Variants in SIL1 observed in about 807,000 individuals in gnomAD.
SIL1 encodes the protein nucleotide exchange factor SIL1.
A neutral mutation model predicts 49.1 loss-of-function variants in SIL1; 40 were observed. The observed-to-expected ratio is 0.81, with a 90% CI of 0.63 to 1.06. The LOEUF (loss-of-function observed/expected upper bound fraction) is 1.06. SIL1 is among the 50% of genes least tolerant of loss of function. The pLI, the probability that SIL1 is intolerant of heterozygous loss-of-function variation, is 0.00. For synonymous variants in SIL1, 253 were observed against 250.8 expected (o/e 1.01, Z -0.08); for missense variants, 500 against 572.6 (o/e 0.87, Z 1.29).
At chr5:139,190,927 G>A (rs1250895955) in intron 1 of SIL1, among the ~76,000 whole-genome samples, 1 of 152,048 alleles carries the variant, frequency 6.6e-6, no homozygotes, top group African/African-American at 2.4e-5. Context: ...ATGGGGTGTG[G>A]GGAAAAACAA....
rs1302651188 is a variant in SIL1 at position 138,948,630 on chromosome 5, C to T, written c.1030-1157G>A. 0.017 allele frequency among the ~76,000 whole-genome samples: 1 copy of T among 60 alleles called. No homozygotes were observed. The highest frequency in any genetic ancestry group is 0.029 in the Non-Finnish European group (1 of 34). The allele number at this position is 60 out of a possible 152,430, so 0.0% of individuals were successfully genotyped here. A position where few individuals can be genotyped will look rare whatever the true frequency, so the allele number is the denominator to read the frequency against. On this transcript the variant is annotated intron_variant, in intron 9 of 9. Transcript: ENST00000394817. This position sits in a 1 kb window ranked among gnomAD's most constrained non-coding sequence, Gnocchi z 4.8. ...GCGCAGCTCCGACTTCCAGGTGCACCCCCGCATTGGCCCCATTCACTCCAC... is the reference window on the plus strand; with the variant it reads ...GCGCAGCTCCGACTTCCAGGTGCACTCCCGCATTGGCCCCATTCACTCCAC...
chr5:139,020,301 TGA>T (rs1370744114), intron 7 of SIL1, among the ~76,000 whole-genome samples: 1 of 152,224 alleles, frequency 6.6e-6, no homozygotes, highest in Non-Finnish European at 1.5e-5. Context: ...AGCATCAGAC[TGA>T]GATTCTGATT....
intron 1 of SIL1, among the ~76,000 whole-genome samples, chr5:139,185,154 G>A (rs932071901): frequency 8.5e-5 from 13 of 152,176 alleles, no homozygotes; most frequent in African/African-American, 2.7e-4. Flanking sequence ...TCCACATCCC[G>A]AAGACGTGCC....
At chr5:139,184,732 A>C (rs1752048695) in intron 1 of SIL1, among the ~76,000 whole-genome samples, 2 of 152,196 alleles carry the variant, frequency 1.3e-5, no homozygotes, top group South Asian at 4.1e-4. Context: ...GACTGAAAAC[A>C]GTAAAATTTG....
chr5:139,176,927 CTTTTTTTTT>C (rs70982757), intron 1 of SIL1, among the ~76,000 whole-genome samples: 1 of 95,788 alleles, frequency 1.0e-5, no homozygotes, highest in East Asian at 3.4e-4. Flanking sequence ...AGCTGAGATT[CTTTTTTTTT>C]TTTTTTTTTT....
chr5:139,025,404 A>G (rs530396291), intron 6 of SIL1, among the ~76,000 whole-genome samples: 1 of 152,176 alleles, frequency 6.6e-6, no homozygotes, highest in South Asian at 2.1e-4. Context: ...TTCCTCGGTT[A>G]TAAAATGGGA....
At chr5:138,956,087 G>A (rs982308868) in intron 7 of SIL1, among the ~76,000 whole-genome samples, 2 of 152,202 alleles carry the variant, frequency 1.3e-5, no homozygotes, top group African/African-American at 4.8e-5. Context: ...TCACTCACGC[G>A]TCCTCGTGAC....
chr5:139,195,211 T>C (rs1752243795), intron 1 of SIL1, among the ~76,000 whole-genome samples: 1 of 151,746 alleles, frequency 6.6e-6, no homozygotes, highest in African/African-American at 2.4e-5. Flanking sequence ...GGATTACAGG[T>C]GTGAGCCACC....
chr5:138,983,508 G>GA (rs749818874), intron 7 of SIL1, among the ~76,000 whole-genome samples: 106 of 136,218 alleles, frequency 7.8e-4, no homozygotes, highest in Middle Eastern at 3.7e-3. Flanking sequence ...ATTTTGTCTC[G>GA]AAAAAAAAAA....
At chr5:139,106,990 A>G (rs1770727877) in intron 3 of SIL1, among the ~76,000 whole-genome samples, 1 of 152,252 alleles carries the variant, frequency 6.6e-6, no homozygotes, top group African/African-American at 2.4e-5. Flanking sequence ...AACAGGCAGA[A>G]TTTCATTTAT....
intron 1 of SIL1, among the ~76,000 whole-genome samples, chr5:139,146,855 CT>C (rs1390164853): frequency 3.3e-5 from 5 of 152,240 alleles, no homozygotes; most frequent in Non-Finnish European, 4.4e-5. Flanking sequence ...CAGATAATCA[CT>C]TTTATTTTCT....
chr5:139,143,342 C>CATATATATAT (rs1254298733), intron 1 of SIL1, among the ~76,000 whole-genome samples: 126 of 90,570 alleles, frequency 1.4e-3, no homozygotes, highest in African/African-American at 3.9e-3. Flanking sequence ...CACACACACA[C>CATATATATAT]ACATATATAT....
At chr5:138,951,126 C>A in intron 9 of SIL1, 45 bp downstream of exon 9, 1 of 1,598,824 alleles carries the variant, frequency 6.3e-7, no homozygotes, top group Non-Finnish European at 8.5e-7. Flanking sequence ...CCCAGAAGCA[C>A]ACACAAAGCA....
chr5:138,988,021 C>T (rs530631764), intron 7 of SIL1, among the ~76,000 whole-genome samples: 59 of 152,250 alleles, frequency 3.9e-4, no homozygotes, highest in Non-Finnish European at 7.9e-4. Flanking sequence ...TTAGTAGAGA[C>T]AGGGTTTCAC....
At chr5:138,956,038 G>A (rs923467768) in intron 7 of SIL1, among the ~76,000 whole-genome samples, 2 of 152,230 alleles carry the variant, frequency 1.3e-5, no homozygotes, top group Non-Finnish European at 2.9e-5. Context: ...AGACTGCCAG[G>A]CCAGACCAGG....
At chr5:139,005,412 A>G (rs1040734475) in intron 7 of SIL1, among the ~76,000 whole-genome samples, 15 of 148,310 alleles carry the variant, frequency 1.0e-4, no homozygotes, top group African/African-American at 3.5e-4. Context: ...ACTACCTATA[A>G]TTTTTTAAAT....
At chr5:139,197,463 A>C (rs1008353910) in intron 1 of SIL1, among the ~76,000 whole-genome samples, 31 of 152,148 alleles carry the variant, frequency 2.0e-4, no homozygotes, top group Admixed American at 2.0e-4. Context: ...CCAGGCATTT[A>C]AGAATATTAG....
intron 3 of SIL1, among the ~76,000 whole-genome samples, chr5:139,085,082 G>T (rs894848165): frequency 6.6e-6 from 1 of 152,116 alleles, no homozygotes; most frequent in African/African-American, 2.4e-5. Context: ...GGATATAAAA[G>T]AATATGGTTT....
intron 4 of SIL1, among the ~76,000 whole-genome samples, chr5:139,049,411 A>G (rs1769238985): frequency 6.6e-6 from 1 of 152,160 alleles, no homozygotes; most frequent in African/African-American, 2.4e-5. Context: ...TGCTGACCTT[A>G]GGTGATCCGC....
Sources: gnomAD v4.1 joint callset for allele counts (sites outside exome capture counted in the v4.1 genomes callset) on GRCh38, gnomAD v4.1.1 for gene constraint, Gnocchi (gnomAD v3.1) non-coding constraint, MANE v1.5 for transcripts, NCBI Gene and HGNC (gene_info 2026-07-23, HGNC 2026-07-21) for gene names.